Variants in CYBB observed in about 807,000 individuals in gnomAD.
CYBB encodes the protein cytochrome b-245 beta chain.
In CYBB, 5 loss-of-function variants were observed where a neutral mutation model predicts 46.5. The ratio of observed to expected loss-of-function variants is 0.11; its 90% CI spans 0.06 to 0.23. The LOEUF (loss-of-function observed/expected upper bound fraction) is 0.23, where lower values mean the gene tolerates loss of function less well. CYBB is among the 10% of genes least tolerant of loss of function. CYBB has a pLI of 1.00. For synonymous variants in CYBB, 183 were observed against 156.7 expected (o/e 1.17, Z -1.26); for missense variants, 307 against 428.3 (o/e 0.72, Z 2.50).
At chrX:37,783,056 T>C (rs1164520961) in intron 2 of CYBB, among the ~76,000 whole-genome samples, 6 of 111,553 alleles carry the variant, frequency 5.4e-5, no homozygotes, top group African/African-American at 2.0e-4. Flanking sequence ...TACTTAACTC[T>C]AGTTAATGAT....
chrX:37,795,821 A>G (rs999748428), intron 5 of CYBB, 130 bp from the exon 6 acceptor site: 2 of 485,899 alleles, frequency 4.1e-6, no homozygotes, highest in South Asian at 3.0e-5. Context: ...GAAAATATCT[A>G]TTGTTCTATA....
At chrX:37,804,669 C>A (rs782406633) in intron 9 of CYBB, among the ~76,000 whole-genome samples, 13 of 106,963 alleles carry the variant, frequency 1.2e-4, no homozygotes, top group Non-Finnish European at 2.3e-4. Context: ...GCACCGTATG[C>A]AAGAATTTCA....
chrX:37,788,552 A>T (rs1453763325), intron 3 of CYBB, among the ~76,000 whole-genome samples: 1 of 111,946 alleles, frequency 8.9e-6, no homozygotes, highest in Non-Finnish European at 1.9e-5. Context: ...AAATAACATC[A>T]AATATTGATT....
At chrX:37,806,650 G>T in intron 11 of CYBB, 117 bp downstream of exon 11, 2 of 686,381 alleles carry the variant, frequency 2.9e-6, no homozygotes. Flanking sequence ...TAGTGGATTT[G>T]GTGATCCGGT....
intron 6 of CYBB, among the ~76,000 whole-genome samples, chrX:37,797,974 G>A (rs1556468872): frequency 8.9e-6 from 1 of 111,908 alleles, no homozygotes; most frequent in Non-Finnish European, 1.9e-5. Context: ...GATAATTTGT[G>A]TAAAATGACT....
chrX:37,790,599 T>C (rs921736596), intron 3 of CYBB, among the ~76,000 whole-genome samples: 14 of 111,591 alleles, frequency 1.3e-4, no homozygotes, highest in Middle Eastern at 9.2e-3. Flanking sequence ...TCCTTGCTAC[T>C]ATTTCTGTAA....
At chrX:37,798,008 A>G (rs1929350263) in intron 6 of CYBB, among the ~76,000 whole-genome samples, 1 of 112,054 alleles carries the variant, frequency 8.9e-6, no homozygotes, top group East Asian at 2.8e-4. Context: ...GCACATGATA[A>G]GTGCTCAATA....
intron 2 of CYBB, among the ~76,000 whole-genome samples, chrX:37,782,467 GGA>G (rs1435136896): frequency 8.9e-6 from 1 of 112,626 alleles, no homozygotes; most frequent in African/African-American, 3.2e-5. Context: ...ACTCTGAAAT[GGA>G]AGGGCAGGTT....
At chrX:37,801,674 G>A (rs782285714) in intron 8 of CYBB, among the ~76,000 whole-genome samples, 2 of 107,314 alleles carry the variant, frequency 1.9e-5, no homozygotes, top group South Asian at 8.3e-4. Context: ...AGGCGACAGA[G>A]GCATTATTTG....
intron 6 of CYBB, 131 bp downstream of exon 6, chrX:37,796,272 G>T: frequency 5.1e-6 from 3 of 583,875 alleles, no homozygotes; most frequent in Non-Finnish European, 8.8e-6. Context: ...TGAGAGGATA[G>T]CAGAGGTCAG....
At chrX:37,787,849 C>A (rs1452111980) in intron 3 of CYBB, among the ~76,000 whole-genome samples, 3 of 111,291 alleles carry the variant, frequency 2.7e-5, no homozygotes, top group African/African-American at 9.8e-5. Context: ...CTTGTGGCTT[C>A]TTTTTGGATT....
In CYBB at chrX:37,804,116, G is replaced by A. The variant is rs1435916818; in HGVS notation, c.1137G>A (p.Ala379=). The A allele has an allele frequency of 2.6e-5, 31 of 1,208,534 alleles. No individual in the cohort carries two copies. Among genetic ancestry groups the A allele is most frequent in the East Asian group, 5.9e-5 (2 of 33,702 alleles). Residue 379 remains alanine, a synonymous_variant, in exon 9 of 13, where the codon GCG becomes GCA. Transcript: ENST00000378588. ...CGCDKQEFQD[A]WKLPKIAVDG... ...GTGATAAGCAGGAGTTTCAAGATGC[G>A]TGGAAACTACCTAAGTGAGTAAAAA...
chrX:37,798,822 G>A, intron 6 of CYBB, 133 bp from the exon 7 acceptor site: 1 of 623,277 alleles, frequency 1.6e-6, no homozygotes, highest in Non-Finnish European at 2.6e-6. Context: ...TATTCAGAGG[G>A]AGCAATAAGC....
At chrX:37,786,857 C>T (rs946812145) in intron 3 of CYBB, among the ~76,000 whole-genome samples, 4 of 110,692 alleles carry the variant, frequency 3.6e-5, no homozygotes, top group Admixed American at 9.6e-5. Flanking sequence ...GTGCCTCTAT[C>T]TTTAATCACG....
Position 37,792,037 on chromosome X carries a change from A to G in CYBB, c.315A>G (p.Ala105=), listed in dbSNP as rs1194793672. The G allele has an allele frequency of 4.2e-6, 5 of 1,200,894 alleles. No individual in the cohort carries two copies. The highest frequency in any genetic ancestry group is 2.3e-4 in the Middle Eastern group (1 of 4,345). The change falls in exon 4 of 13, where the codon GCA becomes GCG. Residue 105 remains alanine, a synonymous_variant. Transcript: ENST00000378588. The part of the protein sequence containing the change: ...DRNLTFHKMV[A]WMIALHSAIH... ...ATCTCACCTTTCATAAAATGGTGGC[A>G]TGGATGATTGCACTTCACTCTGGTA...
intron 12 of CYBB, 144 bp from the exon 13 acceptor site, chrX:37,810,647 T>C: frequency 3.6e-6 from 2 of 558,079 alleles, no homozygotes; most frequent in Non-Finnish European, 6.0e-6. Context: ...CTGAGCAATA[T>C]GATCCCTTTG....
intron 3 of CYBB, among the ~76,000 whole-genome samples, chrX:37,786,855 A>G (rs1556465669): frequency 1.8e-5 from 2 of 111,222 alleles, no homozygotes; most frequent in Non-Finnish European, 3.8e-5. Context: ...GTGTGCCTCT[A>G]TCTTTAATCA....
chrX:37,802,721 A>AT (rs1214310607), intron 8 of CYBB, among the ~76,000 whole-genome samples: 6 of 112,204 alleles, frequency 5.3e-5, no homozygotes, highest in African/African-American at 1.3e-4. Context: ...AACGTTTGAC[A>AT]TTTTTTTAAA....
intron 8 of CYBB, 49 bp downstream of exon 8, chrX:37,801,397 T>C: frequency 2.4e-6 from 2 of 846,569 alleles, no homozygotes; most frequent in Non-Finnish European, 3.6e-6. Flanking sequence ...AACTATATCA[T>C]GGACAAGTCT....
Sources: allele counts gnomAD v4.1 joint callset (sites outside exome capture counted in the v4.1 genomes callset), GRCh38; gene constraint gnomAD v4.1.1; transcripts MANE v1.5; gene names NCBI Gene and HGNC (gene_info 2026-07-23, HGNC 2026-07-21).